CACUL1: variants seen among roughly 807,000 people sequenced by gnomAD.
CACUL1 encodes CDK2 associated cullin domain 1.
In CACUL1, 13 loss-of-function variants were observed where a neutral mutation model predicts 45.2. That is an observed-to-expected ratio of 0.29 (90% CI 0.19 to 0.46). The LOEUF is 0.46. Ranked by LOEUF, CACUL1 falls within the 20% of genes least tolerant of loss-of-function variation. CACUL1 has a pLI of 1.00. For synonymous variants in CACUL1, 197 were observed against 174.2 expected (o/e 1.13, Z -1.03); for missense variants, 421 against 471.4 (o/e 0.89, Z 0.99).
chr10:118,711,359 C>T (rs1445351205), intron 3 of CACUL1, among the ~76,000 whole-genome samples: 1 of 152,206 alleles, frequency 6.6e-6, no homozygotes, highest in African/African-American at 2.4e-5. Flanking sequence ...GGATTACAGC[C>T]GTGAGCCACC....
In CACUL1 at chr10:118,677,226, TTTTAA is replaced by T. The variant is rs1307209714; in HGVS notation, c.*8897_*8901del. On this transcript the variant is annotated 3_prime_UTR_variant, in exon 9 of 9. Coordinates refer to ENST00000369151, the MANE Select transcript of CACUL1 (RefSeq NM_153810.5). ...TTATCTGTTTACCCTGGCATAAGTCTTTTAATTTAATTGCACTTAGAAAGTGATTT... is the reference window on the plus strand; with the variant it reads ...TTATCTGTTTACCCTGGCATAAGTCTTTTAATTGCACTTAGAAAGTGATTT... The T allele has an allele frequency of 5.9e-5, 9 of 151,340 alleles. No individual in the cohort carries two copies. Among genetic ancestry groups the T allele is most frequent in the Admixed American group, 2.7e-4 (4 of 15,050 alleles). 9.4% of individuals were successfully genotyped at this position (151,340 alleles called of 1,614,324 possible). A position where few individuals can be genotyped will look rare whatever the true frequency, so the allele number is the denominator to read the frequency against.
At chr10:118,716,625 CAG>C (rs1246059279) in intron 3 of CACUL1, among the ~76,000 whole-genome samples, 6 of 129,422 alleles carry the variant, frequency 4.6e-5, no homozygotes, top group African/African-American at 1.1e-4. Flanking sequence ...TTTTTTGAGA[CAG>C]AGTCTCACTC....
chr10:118,722,218 G>A (rs1212915980), intron 3 of CACUL1, among the ~76,000 whole-genome samples: 1 of 151,816 alleles, frequency 6.6e-6, no homozygotes, highest in Non-Finnish European at 1.5e-5. Flanking sequence ...TAAGTAGCTG[G>A]GACTACAGGC....
chr10:118,714,960 T>C (rs1845527957), intron 3 of CACUL1, among the ~76,000 whole-genome samples: 1 of 152,196 alleles, frequency 6.6e-6, no homozygotes, highest in Admixed American at 6.5e-5. Flanking sequence ...TTTAGGAATA[T>C]CTATTTCTGT....
At position 118,685,944 on chromosome 10, in the gene CACUL1, G is replaced by GTTT. The variant is rs572173441; in HGVS notation, c.*181_*183dup. The GTTT allele has an allele frequency of 7.7e-5, 25 of 326,398 alleles. No homozygotes were observed. Among genetic ancestry groups the GTTT allele is most frequent in the South Asian group, 1.9e-4 (2 of 10,328 alleles). 20.2% of individuals were successfully genotyped at this position (326,398 alleles called of 1,614,324 possible). A position where few individuals can be genotyped will look rare whatever the true frequency, so the allele number is the denominator to read the frequency against. On this transcript the variant is annotated 3_prime_UTR_variant, in exon 9 of 9. Coordinates refer to ENST00000369151, the MANE Select transcript of CACUL1 (RefSeq NM_153810.5). Reference sequence around the variant, plus strand: ...AATCACCCCCAAGTCTAGCAGCAACGTTTTTTTTTTTTTTAGTTTTTGTTT... The same window carrying GTTT: ...AATCACCCCCAAGTCTAGCAGCAACGTTTTTTTTTTTTTTTTTAGTTTTTGTTT...
chr10:118,741,523 A>G (rs1242426440), intron 1 of CACUL1, among the ~76,000 whole-genome samples: 1 of 152,144 alleles, frequency 6.6e-6, no homozygotes, highest in Admixed American at 6.5e-5. Flanking sequence ...CGTCTGGGTC[A>G]AAGGCACTGA....
intron 1 of CACUL1, among the ~76,000 whole-genome samples, chr10:118,732,959 A>G (rs551695493): frequency 2.0e-5 from 3 of 152,326 alleles, no homozygotes; most frequent in Admixed American, 6.5e-5. Flanking sequence ...CTCTACACCG[A>G]AAGTTGAGAG....
chr10:118,732,813 G>A, intron 1 of CACUL1, among the ~76,000 whole-genome samples: 1 of 152,122 alleles, frequency 6.6e-6, no homozygotes, highest in Non-Finnish European at 1.5e-5. Context: ...TACACACTAG[G>A]CTCTAGAATA....
intron 1 of CACUL1, among the ~76,000 whole-genome samples, chr10:118,732,756 G>C (rs1845709303): frequency 6.6e-6 from 1 of 152,014 alleles, no homozygotes; most frequent in Non-Finnish European, 1.5e-5. Context: ...AATCCCCCTA[G>C]AGCTGCTTCC....
intron 1 of CACUL1, among the ~76,000 whole-genome samples, chr10:118,734,090 T>C (rs1845720804): frequency 6.6e-6 from 1 of 152,186 alleles, no homozygotes; most frequent in Non-Finnish European, 1.5e-5. Flanking sequence ...TACTTTAAAA[T>C]GAGAATGCTA....
Position 118,730,429 on chromosome 10 carries a change from A to G in CACUL1, c.368-19T>C, listed in dbSNP as rs1455596064. 2.5e-6 allele frequency: 4 copies of G among 1,590,754 alleles called. No individual in the cohort carries two copies. In the South Asian group the frequency reaches 3.4e-5, roughly 13 times the overall value. ...TTCATTACTAAAAGTAAAAAGTAAAATAAATATTACTACGTGCCACATGTG... is the reference window on the plus strand; with the variant it reads ...TTCATTACTAAAAGTAAAAAGTAAAGTAAATATTACTACGTGCCACATGTG... On this transcript the variant is annotated intron_variant, in intron 1 of 8. Coordinates refer to ENST00000369151, the MANE Select transcript of CACUL1 (RefSeq NM_153810.5).
chr10:118,685,741 T>C lies in CACUL1; in HGVS notation c.*387A>G, dbSNP rs572461642. ...GACATGTGAAACCAATACACCAAAA[T>C]GCCAAGTCCACAAATGAACAAAACA... On this transcript the variant is annotated 3_prime_UTR_variant, in exon 9 of 9. Transcript: ENST00000369151. 35 of 162,712 alleles carry C rather than the reference T, an allele frequency of 2.2e-4. No homozygotes were observed. The highest frequency in any genetic ancestry group is 7.7e-4 in the African/African-American group (32 of 41,782). 10.1% of individuals were successfully genotyped at this position (162,712 alleles called of 1,614,324 possible). A position where few individuals can be genotyped will look rare whatever the true frequency, so the allele number is the denominator to read the frequency against.
chr10:118,748,410 T>C (rs1340202695), intron 1 of CACUL1, among the ~76,000 whole-genome samples: 2 of 152,138 alleles, frequency 1.3e-5, no homozygotes, highest in Non-Finnish European at 2.9e-5. Context: ...ATCTTGGTCA[T>C]AGTATGTCAC....
In CACUL1 at chr10:118,690,287, G is replaced by A. The variant is rs1029193111; in HGVS notation, c.1025+978C>T. 3.6e-4 allele frequency among the ~76,000 whole-genome samples: 42 copies of A among 117,842 alleles called. No homozygotes were observed. The Middle Eastern group carries it at 0.033, about 91-fold the overall frequency. 77.3% of individuals were successfully genotyped at this position (117,842 alleles called of 152,430 possible). A position where few individuals can be genotyped will look rare whatever the true frequency, so the allele number is the denominator to read the frequency against. On this transcript the variant is annotated intron_variant, in intron 7 of 8. Transcript: ENST00000369151. ...CTGCAGTCCGCAGTCCGGCCTGGGC[G>A]ACAGAGCGAGACTCCGTCTCAAAAA... is the stretch of plus-strand genomic sequence containing the variant.
intron 1 of CACUL1, among the ~76,000 whole-genome samples, chr10:118,733,737 C>T (rs982136111): frequency 3.3e-5 from 5 of 152,180 alleles, no homozygotes; most frequent in Admixed American, 2.6e-4. Context: ...GTAGGCCAGG[C>T]GCACTGGCTC....
chr10:118,720,519 TTGTACTCTGTACACCATGCAAA>T lies in CACUL1; in HGVS notation c.597+8754_597+8775del, dbSNP rs1317675463. Among the ~76,000 whole-genome samples the T allele has an allele frequency of 6.6e-5, 10 of 152,358 alleles. No individual in the cohort carries two copies. The East Asian group carries it at 1.7e-3, about 26-fold the overall frequency. On this transcript the variant is annotated intron_variant, in intron 3 of 8. Transcript: ENST00000369151. The stretch of plus-strand genomic sequence containing the variant: ...ATCTTAAAAAGAATACAATTCATAA[TTGTACTCTGTACACCATGCAAA>T]TGTACTCTGTACAAATGCAAACAGC...
chr10:118,723,249 A>C (rs1056678810), intron 3 of CACUL1, among the ~76,000 whole-genome samples: 2 of 151,986 alleles, frequency 1.3e-5, no homozygotes, highest in African/African-American at 4.8e-5. Context: ...TGTCTTGTTA[A>C]CTATGTTTTT....
chr10:118,729,562 G>A (rs373453331), intron 2 of CACUL1, among the ~76,000 whole-genome samples, 165 bp from the exon 3 acceptor site: 8 of 152,082 alleles, frequency 5.3e-5, no homozygotes, highest in Non-Finnish European at 7.4e-5. Context: ...CTCCCCCATC[G>A]GTGTTCGGAT....
intron 3 of CACUL1, among the ~76,000 whole-genome samples, chr10:118,724,336 A>G (rs564977100): frequency 1.4e-4 from 21 of 152,266 alleles, no homozygotes; most frequent in African/African-American, 3.9e-4. Context: ...CTTCTCTTAG[A>G]TCCTGGCCCT....
Sources: allele counts gnomAD v4.1 joint callset (sites outside exome capture counted in the v4.1 genomes callset), GRCh38; gene constraint gnomAD v4.1.1; transcripts MANE v1.5; gene names NCBI Gene and HGNC (gene_info 2026-07-23, HGNC 2026-07-21).